Variants in GCC2 observed in about 807,000 individuals in gnomAD.
GCC2 encodes GRIP and coiled-coil domain containing 2.
GCC2 carries 120 observed loss-of-function variants against 210.6 expected under a neutral mutation model. The ratio of observed to expected loss-of-function variants is 0.57; its 90% CI spans 0.49 to 0.66. GCC2 has a LOEUF of 0.66. Ranked by LOEUF, GCC2 falls within the 30% of genes least tolerant of loss-of-function variation. The pLI is 0.00. For missense variants in GCC2, 1,868 were observed against 1,871.9 expected (o/e 1.00, Z 0.04); for synonymous variants, 703 against 652.7 (o/e 1.08, Z -1.17).
At position 108,483,048 on chromosome 2, in the gene GCC2, A is replaced by G. The variant is rs368384631; in HGVS notation, c.3346-14A>G. On this transcript the variant is annotated splice_polypyrimidine_tract_variant and intron_variant, in intron 11 of 22. Transcript: ENST00000309863. ...TGGTTGGGTGGTGTGGGTTGTTTTTATTTTTAATTTCAGGAACATGCCACT... is the reference window on the plus strand; with the variant it reads ...TGGTTGGGTGGTGTGGGTTGTTTTTGTTTTTAATTTCAGGAACATGCCACT... 32 of 1,416,328 alleles carry G rather than the reference A, an allele frequency of 2.3e-5. No homozygotes were observed. The African/African-American group carries it at 3.5e-4, about 16-fold the overall frequency. 87.7% of individuals were successfully genotyped at this position (1,416,328 alleles called of 1,614,324 possible). A position where few individuals can be genotyped will look rare whatever the true frequency, so the allele number is the denominator to read the frequency against.
At position 108,452,423 on chromosome 2, in the gene GCC2, T is replaced by C; in HGVS notation, c.173T>C (p.Leu58Pro). Residue 58 changes from leucine to proline, a missense_variant, in exon 4 of 23, where the codon CTC (leucine) becomes CCC (proline). Leu to Pro is a moderately conservative substitution (Grantham distance 98). This residue lies in a region of GCC2 where 1,847 missense variants were observed against 1,765.2 expected (regional missense o/e 1.05). Transcript: ENST00000309863. ...CTELEKEIEELRSKPVTEGTG... is the reference protein window; with the variant it reads ...CTELEKEIEEPRSKPVTEGTG... ...GAATTGGAGAAAGAAATTGAAGAACTCAGATCAAAACCTGTTACTGAAGGA... is the reference window on the plus strand; with the variant it reads ...GAATTGGAGAAAGAAATTGAAGAACCCAGATCAAAACCTGTTACTGAAGGA... 6.5e-7 allele frequency: 1 copy of C among 1,549,848 alleles called. No individual in the cohort carries two copies. Among genetic ancestry groups the C allele is most frequent in the South Asian group, 1.1e-5 (1 of 89,632 alleles).
Position 108,471,437 on chromosome 2 carries a change from A to C in GCC2, c.2108A>C (p.Gln703Pro). Reference sequence around the variant, plus strand: ...AATAAACTCAGTTCAGAAAAAAAACAGTTGAGTAGGGATTTGGAGGTTTTT... The same window carrying C: ...AATAAACTCAGTTCAGAAAAAAAACCGTTGAGTAGGGATTTGGAGGTTTTT... ...ENNKLSSEKK[Q>P]LSRDLEVFLS... Residue 703 changes from glutamine to proline, a missense_variant, in exon 6 of 23, where the codon CAG (glutamine) becomes CCG (proline). Physicochemically the swap from Gln to Pro is moderately conservative, Grantham distance 76. Coordinates refer to ENST00000309863, the MANE Select transcript of GCC2 (RefSeq NM_181453.4). 1.2e-6 allele frequency: 2 copies of C among 1,608,236 alleles called. No individual in the cohort carries two copies. Among genetic ancestry groups the C allele is most frequent in the South Asian group, 2.2e-5 (2 of 89,384 alleles).
intron 16 of GCC2, 86 bp from the exon 17 acceptor site, chr2:108,487,613 T>A: frequency 7.8e-7 from 1 of 1,281,996 alleles, no homozygotes; most frequent in South Asian, 1.5e-5. Flanking sequence ...CAAAAACAGG[T>A]TTTTATCTCA....
chr2:108,449,734 G>T (rs200193162), intron 2 of GCC2, 45 bp downstream of exon 2: 1 of 1,510,142 alleles, frequency 6.6e-7, no homozygotes, highest in East Asian at 2.3e-5. Flanking sequence ...GAGTGGAAGG[G>T]TGATGAATTG....
intron 7 of GCC2, 167 bp from the exon 8 acceptor site, chr2:108,475,368 T>C: frequency 2.2e-6 from 1 of 451,974 alleles, no homozygotes; most frequent in Non-Finnish European, 3.9e-6. Flanking sequence ...TTGTCTCACA[T>C]AATGAATAAA....
intron 22 of GCC2, among the ~76,000 whole-genome samples, chr2:108,501,242 C>T (rs902491932): frequency 7.9e-5 from 12 of 152,034 alleles, no homozygotes; most frequent in Non-Finnish European, 4.4e-5. Flanking sequence ...GCCTTGGCCT[C>T]CCAAAGTGCT....
intron 22 of GCC2, among the ~76,000 whole-genome samples, chr2:108,501,471 T>C (rs1252284872): frequency 2.6e-5 from 4 of 152,098 alleles, no homozygotes. Flanking sequence ...GGTGGGATGG[T>C]GGACAAAAAC....
At chr2:108,478,015 C>A (rs1347605476) in intron 9 of GCC2, among the ~76,000 whole-genome samples, 1 of 152,096 alleles carries the variant, frequency 6.6e-6, no homozygotes, top group Non-Finnish European at 1.5e-5. Flanking sequence ...CACTGCACCC[C>A]TACAAAGGAA....
At chr2:108,479,126 T>C (rs922709029) in intron 9 of GCC2, among the ~76,000 whole-genome samples, 5 of 152,012 alleles carry the variant, frequency 3.3e-5, no homozygotes, top group Non-Finnish European at 5.9e-5. Flanking sequence ...ATCACGCCAC[T>C]GCACTCCAGA....
intron 4 of GCC2, among the ~76,000 whole-genome samples, chr2:108,456,525 A>G (rs963243486): frequency 2.6e-5 from 4 of 151,914 alleles, no homozygotes; most frequent in Middle Eastern, 6.8e-3. Flanking sequence ...TCCCTTGCCT[A>G]TTTTTTAATG....
chr2:108,470,287 T>C lies in GCC2; in HGVS notation c.958T>C (p.Leu320=). Reference sequence around the variant, plus strand: ...AGACAATCAGATATGTTCTATTCTCTTGCAAGAAAATACATTTGTAGAACA... The same window carrying C: ...AGACAATCAGATATGTTCTATTCTCCTGCAAGAAAATACATTTGTAGAACA... ...NQDNQICSIL[L]QENTFVEQVV... The change falls in exon 6 of 23, where the codon TTG becomes CTG. Residue 320 remains leucine (L), a synonymous_variant. Coordinates refer to ENST00000309863, the MANE Select transcript of GCC2 (RefSeq NM_181453.4). The C allele has an allele frequency of 1.2e-6, 2 of 1,613,246 alleles. No individual in the cohort carries two copies. The highest frequency in any genetic ancestry group is 2.7e-5 in the African/African-American group (2 of 75,014).
chr2:108,460,649 C>T (rs76308037), intron 4 of GCC2, among the ~76,000 whole-genome samples: 1 of 152,194 alleles, frequency 6.6e-6, no homozygotes, highest in Non-Finnish European at 1.5e-5. Context: ...TCAGCTTTTG[C>T]TCGTCTGGAG....
chr2:108,498,061 T>G (rs1682731464), intron 21 of GCC2, among the ~76,000 whole-genome samples: 1 of 152,070 alleles, frequency 6.6e-6, no homozygotes, highest in Non-Finnish European at 1.5e-5. Context: ...CATTCCACCA[T>G]TAAATACTTC....
chr2:108,484,093 A>T (rs1682007347), intron 12 of GCC2, 56 bp from the exon 13 acceptor site: 3 of 1,243,766 alleles, frequency 2.4e-6, no homozygotes, highest in Admixed American at 2.8e-5. Context: ...GAAAAAAAAA[A>T]TTTACAAATG....
chr2:108,489,765 A>T, intron 17 of GCC2, 73 bp from the exon 18 acceptor site: 2 of 1,005,818 alleles, frequency 2.0e-6, no homozygotes, highest in Non-Finnish European at 2.9e-6. Flanking sequence ...TTAAATGGTT[A>T]AACTATATTT....
At position 108,484,166 on chromosome 2, in the gene GCC2, A is replaced by G; in HGVS notation, c.3468A>G (p.Thr1156=). The change falls in exon 13 of 23, where the codon ACA becomes ACG. Residue 1156 remains threonine, a synonymous_variant. Coordinates refer to ENST00000309863, the MANE Select transcript of GCC2 (RefSeq NM_181453.4). Reference sequence around the variant, plus strand: ...ATGTGCAGGATGCCCAACAAACCACATTGATGAATATGGAAATAGCTGATT... The same window carrying G: ...ATGTGCAGGATGCCCAACAAACCACGTTGATGAATATGGAAATAGCTGATT... The part of the protein sequence containing the change: ...ELVKKDAQQT[T]LMNMEIADYE... 1 of 1,584,140 alleles carries G rather than the reference A, an allele frequency of 6.3e-7. No homozygotes were observed. The highest frequency in any genetic ancestry group is 8.5e-7 in the Non-Finnish European group (1 of 1,170,324).
chr2:108,454,575 C>G (rs1425178107), intron 4 of GCC2, among the ~76,000 whole-genome samples: 1 of 152,182 alleles, frequency 6.6e-6, no homozygotes, highest in Non-Finnish European at 1.5e-5. Flanking sequence ...AGCCACAGTA[C>G]AACTATATGT....
intron 4 of GCC2, among the ~76,000 whole-genome samples, chr2:108,454,652 A>G (rs888025429): frequency 6.6e-6 from 1 of 152,168 alleles, no homozygotes; most frequent in African/African-American, 2.4e-5. Context: ...TTGTTCATCT[A>G]CTGATCAGCT....
chr2:108,452,885 G>A lies in GCC2; in HGVS notation c.216+419G>A, dbSNP rs553818098. 9.2e-5 allele frequency among the ~76,000 whole-genome samples: 14 copies of A among 152,000 alleles called. No homozygotes were observed. The South Asian group carries it at 2.9e-3, about 32-fold the overall frequency. On this transcript the variant is annotated intron_variant, in intron 4 of 22. Coordinates refer to ENST00000309863, the MANE Select transcript of GCC2 (RefSeq NM_181453.4). ...ATTTTTGTATTTTAAGTAGAGACGG[G>A]ATTTCACCATGTTGGCCAAGATGGT...
Sources: gnomAD v4.1 joint callset for allele counts (sites outside exome capture counted in the v4.1 genomes callset) on GRCh38, gnomAD v4.1.1 for gene constraint, gnomAD v4.1.1 regional missense constraint, MANE v1.5 for transcripts, NCBI Gene and HGNC (gene_info 2026-07-23, HGNC 2026-07-21) for gene names.